The following AFAP1 variants were observed in gnomAD, a reference collection of about 807,000 sequenced individuals.
The protein encoded by AFAP1 is actin filament associated protein 1, also known as actin filament-associated protein 1.
AFAP1 carries 75 observed loss-of-function variants against 93.9 expected under a neutral mutation model. That is an observed-to-expected ratio of 0.80 (90% CI 0.66 to 0.97). The LOEUF (loss-of-function observed/expected upper bound fraction) is 0.97. Ranked by LOEUF, AFAP1 falls within the 50% of genes least tolerant of loss-of-function variation. The probability of loss-of-function intolerance (pLI) is 0.00; values close to 1 mark genes in which losing one functional copy is unlikely to be tolerated. For synonymous variants in AFAP1, 517 were observed against 430.7 expected, an observed-to-expected ratio of 1.20 and a Z score of -2.48; for missense variants, 1,201 against 1,050.8, an observed-to-expected ratio of 1.14 and a Z score of -1.98.
chr4:7,871,010 T>C (rs1716981019), intron 2 of AFAP1, among the ~76,000 whole-genome samples: 1 of 152,144 alleles, frequency 6.6e-6, no homozygotes, highest in South Asian at 2.1e-4. Flanking sequence ...GTCCTCAAGA[T>C]TCTCACATCC....
At chr4:7,897,312 G>A (rs924963070) in intron 1 of AFAP1, among the ~76,000 whole-genome samples, 3 of 152,156 alleles carry the variant, frequency 2.0e-5, no homozygotes, top group Admixed American at 6.5e-5. Flanking sequence ...ACGAACAAAC[G>A]GTAGGAAAAC....
At position 7,778,442 on chromosome 4, in the gene AFAP1, C is replaced by G. The variant is rs1416654603; in HGVS notation, c.1897+320G>C. 9.4e-6 allele frequency: 4 copies of G among 427,172 alleles called. 1 individual carries two copies. The highest frequency in any genetic ancestry group is 4.0e-5 in the African/African-American group (2 of 49,388). 26.5% of individuals were successfully genotyped at this position (427,172 alleles called of 1,614,324 possible). ...GACAACCACAGATCAGGGACAGGAG[C>G]TGAGGTCTCCTGACCTGGAGCCCAG... On this transcript the variant is annotated intron_variant, in intron 14 of 17. Coordinates refer to ENST00000420658, the MANE Select transcript of AFAP1 (RefSeq NM_001134647.2).
rs753677393 is a variant in AFAP1, at chr4:7,868,688, C to A, written c.159G>T (p.Gln53His). ...GGGCTGGCAGGCTGTTAGCGGTCTC[C>A]TGCTTCTGAGCATGGTCCTTCACAT... Reference protein sequence around the residue: ...GFDVKDHAQKQETANSLPAPP... With the variant: ...GFDVKDHAQKHETANSLPAPP... Residue 53 changes from glutamine to histidine, a missense_variant, in exon 3 of 18, where the codon CAG becomes CAT. Gln to His is a conservative substitution (Grantham distance 24). Transcript: ENST00000420658. 3.7e-6 allele frequency: 6 copies of A among 1,613,432 alleles called. No homozygotes were observed. In the African/African-American group the frequency reaches 8.0e-5, roughly 22 times the overall value.
chr4:7,762,593 C>G lies in AFAP1; in HGVS notation c.*1172G>C, dbSNP rs963753995. On this transcript the variant is annotated 3_prime_UTR_variant, in exon 18 of 18. Transcript: ENST00000420658. ...CCTTTATGCCTTAGGCATCCAAATT[C>G]TCCAAGAAATATTGCACAGAAGGCA... The G allele has an allele frequency of 1.3e-5, 2 of 152,218 alleles. No individual in the cohort carries two copies. The highest frequency in any genetic ancestry group is 4.8e-5 in the African/African-American group (2 of 41,444). The allele number at this position is 152,218 out of a possible 1,614,324, so 9.4% of individuals were successfully genotyped here.
At chr4:7,774,991 A>AGGT in intron 14 of AFAP1, 88 bp from the exon 15 acceptor site, 1 of 1,484,638 alleles carries the variant, frequency 6.7e-7, no homozygotes, top group Middle Eastern at 1.8e-4. Context: ...AAAATACAAA[A>AGGT]TTAGCCAGGC....
intron 6 of AFAP1, among the ~76,000 whole-genome samples, chr4:7,828,247 G>A (rs762518034): frequency 9.9e-5 from 15 of 152,210 alleles, no homozygotes; most frequent in Non-Finnish European, 1.6e-4. Flanking sequence ...CTATAGCGTC[G>A]CCCCCACGCC....
At chr4:7,865,498 A>C (rs745761150) in intron 3 of AFAP1, among the ~76,000 whole-genome samples, 17 of 152,232 alleles carry the variant, frequency 1.1e-4, no homozygotes, top group Non-Finnish European at 2.1e-4. Flanking sequence ...GAAGGGCCTC[A>C]TAAATACCTT....
intron 10 of AFAP1, 75 bp from the exon 11 acceptor site, chr4:7,793,901 G>A: frequency 7.2e-7 from 1 of 1,381,832 alleles, no homozygotes; most frequent in Non-Finnish European, 9.6e-7. Flanking sequence ...TCAATAAAGA[G>A]ACCACATAAT....
intron 8 of AFAP1, among the ~76,000 whole-genome samples, chr4:7,811,395 G>A (rs1560173772): frequency 6.6e-6 from 1 of 150,420 alleles, no homozygotes; most frequent in Non-Finnish European, 1.5e-5. Flanking sequence ...AAGACGACGC[G>A]CCCTGGCCTA....
chr4:7,808,843 T>C (rs1719758895), intron 9 of AFAP1, among the ~76,000 whole-genome samples: 1 of 152,132 alleles, frequency 6.6e-6, no homozygotes, highest in Non-Finnish European at 1.5e-5. Flanking sequence ...TCTCCTGCCA[T>C]GTGACACACA....
intron 3 of AFAP1, among the ~76,000 whole-genome samples, chr4:7,857,985 A>T (rs904355731): frequency 2.6e-5 from 4 of 152,240 alleles, no homozygotes; most frequent in African/African-American, 9.6e-5. Flanking sequence ...AAAACCACAT[A>T]TGAAAAAAAC....
chr4:7,772,788 C>T, intron 16 of AFAP1, 32 bp downstream of exon 16: 1 of 1,601,944 alleles, frequency 6.2e-7, no homozygotes, highest in East Asian at 2.2e-5. Flanking sequence ...AAGGCCGCGC[C>T]AGCCTCCGAG....
At chr4:7,868,299 T>A (rs989879926) in intron 3 of AFAP1, among the ~76,000 whole-genome samples, 4 of 152,170 alleles carry the variant, frequency 2.6e-5, no homozygotes, top group African/African-American at 9.7e-5. Flanking sequence ...GATACTTTTG[T>A]CTGCTAAATC....
intron 1 of AFAP1, among the ~76,000 whole-genome samples, chr4:7,924,408 C>G (rs1192939309): frequency 1.3e-5 from 2 of 152,164 alleles, no homozygotes; most frequent in Non-Finnish European, 2.9e-5. Context: ...TACTGGTGGA[C>G]GATGAGCCAG....
chr4:7,885,803 A>G (rs1718110853), intron 1 of AFAP1, among the ~76,000 whole-genome samples: 2 of 152,210 alleles, frequency 1.3e-5, no homozygotes, highest in Non-Finnish European at 2.9e-5. Context: ...ATTCGTGGTG[A>G]AAGACTAATT....
chr4:7,894,552 T>C (rs1025676016), intron 1 of AFAP1, among the ~76,000 whole-genome samples: 12 of 152,046 alleles, frequency 7.9e-5, no homozygotes, highest in Non-Finnish European at 1.6e-4. Context: ...GCCAGCCCGC[T>C]TTGTGAAGGG....
intron 4 of AFAP1, among the ~76,000 whole-genome samples, chr4:7,853,556 C>G (rs185522812): frequency 3.3e-5 from 5 of 152,292 alleles, no homozygotes; most frequent in African/African-American, 1.2e-4. Context: ...CCGGCCCGAC[C>G]AGACACAGCA....
At chr4:7,798,010 C>G (rs1560164769) in intron 10 of AFAP1, among the ~76,000 whole-genome samples, 1 of 152,140 alleles carries the variant, frequency 6.6e-6, no homozygotes, top group African/African-American at 2.4e-5. Flanking sequence ...TGCAACTTTT[C>G]GGTAACTCTG....
At chr4:7,766,376 C>T (rs1460004180) in intron 17 of AFAP1, among the ~76,000 whole-genome samples, 2 of 152,196 alleles carry the variant, frequency 1.3e-5, no homozygotes, top group African/African-American at 4.8e-5. Flanking sequence ...GTGGGGTTTT[C>T]AGAGAGGGAG....
Sources: gnomAD v4.1 joint callset for allele counts (sites outside exome capture counted in the v4.1 genomes callset) on GRCh38, gnomAD v4.1.1 for gene constraint, MANE v1.5 for transcripts, NCBI Gene and HGNC (gene_info 2026-07-23, HGNC 2026-07-21) for gene names.